Variants in CACNA1C observed in about 807,000 individuals in gnomAD.
The protein encoded by CACNA1C is voltage-dependent L-type calcium channel subunit alpha-1C.
Under a neutral mutation model 229.0 loss-of-function variants are expected in CACNA1C, and 30 were observed. The ratio of observed to expected loss-of-function variants is 0.13; its 90% confidence interval spans 0.10 to 0.18. The LOEUF is 0.18. CACNA1C is among the 10% of genes least tolerant of loss of function. The pLI, the probability that CACNA1C is intolerant of heterozygous loss-of-function variation, is 1.00. For missense variants in CACNA1C, 1,658 were observed against 2,845.0 expected (o/e 0.58, Z 9.49); for synonymous variants, 1,114 against 1,132.5 (o/e 0.98, Z 0.33).
In CACNA1C at chr12:2,585,878, G is replaced by A. The variant is rs2062228851; in HGVS notation, c.2504G>A (p.Ser835Asn). 4 of 1,606,504 alleles carry A rather than the reference G, an allele frequency of 2.5e-6. No homozygotes were observed. In the South Asian group the frequency reaches 3.4e-5, roughly 14 times the overall value. ...DLQPNENEDK[S>N]PYPNPETTGE... is the part of the protein sequence containing the mutation. ...CAGCCCAATGAAAATGAGGATAAGA[G>A]CCCCTACCCCAACCCAGAAACTACA... Residue 835 changes from serine to asparagine, a missense_variant, in exon 18 of 47, where the codon AGC becomes AAC. By Grantham distance (46) the Ser-to-Asn change is conservative. This residue lies in a region of CACNA1C where 121 missense variants were observed against 128.8 expected (regional missense o/e 0.94). Coordinates refer to ENST00000399655, the MANE Select transcript of CACNA1C (RefSeq NM_000719.7). This position sits in a 1 kb window ranked among gnomAD's most constrained non-coding sequence, Gnocchi z 4.1.
rs145222633 is a variant in CACNA1C at position 2,035,253 on chromosome 12, G to A, written c.139+64052G>A. Among the ~76,000 whole-genome samples, 24 of 152,370 alleles carry A rather than the reference G, an allele frequency of 1.6e-4. No homozygotes were observed. The East Asian group carries it at 4.4e-3, about 28-fold the overall frequency. ...GAAGGAGGCCGTTTTCCTGTCATTT[G>A]CACCTGGCCGGAGCCATTCTGGATG... On this transcript the variant is annotated intron_variant, in intron 1 of 46. Coordinates refer to the CACNA1C transcript ENST00000682462.
chr12:2,371,691 A>T (rs950619922), intron 3 of CACNA1C, among the ~76,000 whole-genome samples: 1 of 125,106 alleles, frequency 8.0e-6, no homozygotes, highest in Non-Finnish European at 1.8e-5. Flanking sequence ...AATATGGCAC[A>T]CAGGAAGCAA....
At chr12:2,250,947 T>C (rs535859528) in intron 3 of CACNA1C, among the ~76,000 whole-genome samples, 1 of 152,290 alleles carries the variant, frequency 6.6e-6, no homozygotes, top group African/African-American at 2.4e-5. Flanking sequence ...GACCATCCCA[T>C]CCACCCTGGT....
intron 1 of CACNA1C, among the ~76,000 whole-genome samples, chr12:2,087,557 G>T (rs1229167626): frequency 6.6e-6 from 1 of 152,138 alleles, no homozygotes; most frequent in African/African-American, 2.4e-5. Flanking sequence ...TAGAGTACAT[G>T]TTTTTTTGTT....
chr12:2,630,834 G>A lies in CACNA1C; in HGVS notation c.3829-3463G>A, dbSNP rs1309082788. Among the ~76,000 whole-genome samples, 1 of 152,200 alleles carries A rather than the reference G, an allele frequency of 6.6e-6. No individual in the cohort carries two copies. Among genetic ancestry groups the A allele is most frequent in the Non-Finnish European group, 1.5e-5 (1 of 68,042 alleles). ...TCAGTCTAAAGCCTGGAGTAGCACA[G>A]CCTGCTGAGGACAAGTGTGAGGCAC... is the stretch of plus-strand genomic sequence containing the variant. On this transcript the variant is annotated intron_variant, in intron 29 of 46. Transcript: ENST00000399655. This position sits in a 1 kb window ranked among gnomAD's most constrained non-coding sequence, Gnocchi z 5.4.
intron 5 of CACNA1C, among the ~76,000 whole-genome samples, chr12:2,473,527 G>A (rs566337429): frequency 5.6e-4 from 85 of 152,208 alleles, no homozygotes; most frequent in African/African-American, 2.0e-3. Flanking sequence ...TGTGTATAAG[G>A]CACAGTAGTA....
At chr12:2,624,562 A>G (rs1170797531) in intron 29 of CACNA1C, among the ~76,000 whole-genome samples, 1 of 152,228 alleles carries the variant, frequency 6.6e-6, no homozygotes, top group Non-Finnish European at 1.5e-5. Context: ...CAAGAATTTT[A>G]TTTCAAAAAT....
Position 1,993,498 on chromosome 12 carries a change from T to C in CACNA1C, c.139+22297T>C, listed in dbSNP as rs2039999050. 41 of 1,400,736 alleles carry C rather than the reference T, an allele frequency of 2.9e-5. 1 individual carries two copies. The South Asian group carries it at 5.4e-4, about 19-fold the overall frequency. The allele number at this position is 1,400,736 out of a possible 1,614,324, so 86.8% of individuals were successfully genotyped here. ...GTGTCTCTCAACCTTTGTTTGTATATGCAGCTTTATATAAGCAGCCTGTAC... is the reference window on the plus strand; with the variant it reads ...GTGTCTCTCAACCTTTGTTTGTATACGCAGCTTTATATAAGCAGCCTGTAC... On this transcript the variant is annotated intron_variant, in intron 1 of 46. Transcript: ENST00000682462.
At position 1,992,969 on chromosome 12, in the gene CACNA1C, A is replaced by G; in HGVS notation, c.139+21768A>G. On this transcript the variant is annotated intron_variant, in intron 1 of 46. Transcript: ENST00000682462. ...AGTCTCCTCACTAAGAACTTGCCTC[A>G]CCCAGCCCTGCTCAGGCTTAAGATC... is the stretch of plus-strand genomic sequence containing the variant. The G allele has an allele frequency of 6.6e-6, 4 of 604,282 alleles. No individual in the cohort carries two copies. The South Asian group carries it at 8.2e-5, about 12-fold the overall frequency. 37.4% of individuals were successfully genotyped at this position (604,282 alleles called of 1,614,324 possible).
At chr12:2,037,457 G>A (rs761272611) in intron 1 of CACNA1C, among the ~76,000 whole-genome samples, 1 of 152,148 alleles carries the variant, frequency 6.6e-6, no homozygotes, top group African/African-American at 2.4e-5. Context: ...GTATCTTCGG[G>A]CCCCACTTGG....
At chr12:2,304,697 C>T (rs1261758997) in intron 3 of CACNA1C, among the ~76,000 whole-genome samples, 1 of 152,180 alleles carries the variant, frequency 6.6e-6, no homozygotes, top group Non-Finnish European at 1.5e-5. Context: ...TCCAGGCCTC[C>T]TTGAGGGCCA....
intron 13 of CACNA1C, among the ~76,000 whole-genome samples, chr12:2,577,554 A>G (rs982732114): frequency 6.6e-6 from 1 of 152,244 alleles, no homozygotes; most frequent in Non-Finnish European, 1.5e-5. Context: ...TAGGAAGGCT[A>G]TGGGAGCAGG....
At chr12:2,682,448 G>T in intron 42 of CACNA1C, 102 bp from the exon 43 acceptor site, 1 of 1,392,256 alleles carries the variant, frequency 7.2e-7, no homozygotes, top group Non-Finnish European at 9.8e-7. Flanking sequence ...TTGTGCACGT[G>T]TGTACACCTG....
chr12:2,481,300 T>C (rs2099674839), intron 5 of CACNA1C, among the ~76,000 whole-genome samples: 1 of 152,218 alleles, frequency 6.6e-6, no homozygotes, highest in South Asian at 2.1e-4. Flanking sequence ...ATCTCCAGGC[T>C]AACCTCAAAA....
chr12:2,618,513 C>T (rs543898393), intron 29 of CACNA1C, among the ~76,000 whole-genome samples: 1 of 152,382 alleles, frequency 6.6e-6, no homozygotes, highest in South Asian at 2.1e-4. Context: ...AGGCCCCAAA[C>T]TGCCCCACCG....
At chr12:2,683,597 G>A (rs2097287700) in intron 43 of CACNA1C, among the ~76,000 whole-genome samples, 1 of 152,244 alleles carries the variant, frequency 6.6e-6, no homozygotes, top group South Asian at 2.1e-4. Flanking sequence ...TAATGCCTGG[G>A]TCCCATGGGC....
chr12:2,144,761 G>T (rs1205966298), intron 3 of CACNA1C, among the ~76,000 whole-genome samples: 1 of 151,266 alleles, frequency 6.6e-6, no homozygotes, highest in East Asian at 1.9e-4. Context: ...AATGTTTTAG[G>T]GTAGATTGTT....
intron 11 of CACNA1C, among the ~76,000 whole-genome samples, chr12:2,565,415 C>A (rs1004352945): frequency 6.7e-6 from 1 of 149,084 alleles, no homozygotes; most frequent in Non-Finnish European, 1.5e-5. Context: ...TGCAGTGAGC[C>A]GAGATTGCGC....
intron 3 of CACNA1C, among the ~76,000 whole-genome samples, chr12:2,142,901 A>T (rs2094390601): frequency 6.6e-6 from 1 of 151,466 alleles, no homozygotes; most frequent in Admixed American, 6.6e-5. Flanking sequence ...GTTAAAAAAA[A>T]TTAAAAGGTT....
Sources: gnomAD v4.1 joint callset for allele counts (sites outside exome capture counted in the v4.1 genomes callset) on GRCh38, gnomAD v4.1.1 for gene constraint, gnomAD v4.1.1 regional missense constraint, Gnocchi (gnomAD v3.1) non-coding constraint, MANE v1.5 for transcripts, NCBI Gene and HGNC (gene_info 2026-07-23, HGNC 2026-07-21) for gene names.